The following STARD8 variants were observed in gnomAD, a reference collection of about 807,000 sequenced individuals.
The protein encoded by STARD8 is StAR related lipid transfer domain containing 8, also known as stAR-related lipid transfer protein 8.
A neutral mutation model predicts 69.4 loss-of-function variants in STARD8; 25 were observed. The observed-to-expected ratio is 0.36, with a 90% confidence interval of 0.26 to 0.50. STARD8 has a LOEUF of 0.50. STARD8 is among the 20% of genes least tolerant of loss of function. STARD8 has a pLI of 0.96. For missense variants in STARD8, 921 were observed against 932.5 expected (o/e 0.99, Z 0.16); for synonymous variants, 389 against 374.6 (o/e 1.04, Z -0.45).
rs2080129305 is a variant in STARD8 at position 68,719,529 on chromosome X, G to A, written c.1889+131G>A. On this transcript the variant is annotated intron_variant, in intron 7 of 14. Coordinates refer to ENST00000374599, the MANE Select transcript of STARD8 (RefSeq NM_001142503.3). ...CCAGGGGAGCGGTGAGATATGCCAG[G>A]AGGCTGGAGGGGCTTGGTGAGGCTG... 8 of 754,753 alleles carry A rather than the reference G, an allele frequency of 1.1e-5. No individual in the cohort carries two copies. In the South Asian group the frequency reaches 3.6e-4, roughly 34 times the overall value. The allele number at this position is 754,753 out of a possible 1,213,427, so 62.2% of individuals were successfully genotyped here.
intron 2 of STARD8, among the ~76,000 whole-genome samples, chrX:68,684,668 G>T (rs2079820754): frequency 8.8e-6 from 1 of 113,043 alleles, no homozygotes; most frequent in Admixed American, 9.3e-5. Context: ...GCATCCCAGT[G>T]GCTGTTTGTC....
intron 2 of STARD8, among the ~76,000 whole-genome samples, chrX:68,685,816 C>T (rs1234912310): frequency 8.9e-6 from 1 of 112,591 alleles, no homozygotes; most frequent in Non-Finnish European, 1.9e-5. Context: ...TTGGTGGAAC[C>T]CAGCTGGTCG....
intron 1 of STARD8, among the ~76,000 whole-genome samples, chrX:68,651,466 C>T (rs780697912): frequency 3.9e-4 from 44 of 112,325 alleles, no homozygotes; most frequent in African/African-American, 1.2e-3. Context: ...GTCAAGGGCA[C>T]GGGCTGCTGT....
chrX:68,723,855 C>A lies in STARD8; in HGVS notation c.3017+12C>A. 7 of 1,203,505 alleles carry A rather than the reference C, an allele frequency of 5.8e-6. No individual in the cohort carries two copies. Among genetic ancestry groups the A allele is most frequent in the Non-Finnish European group, 7.9e-6 (7 of 890,921 alleles). On this transcript the variant is annotated intron_variant, in intron 13 of 14. Transcript: ENST00000374599. Reference sequence around the variant, plus strand: ...TTTGTGGTGCTTCGGTGAGGGGCTGCAGCTGCTACCCTTCTGTGCTTGGGG... The same window carrying A: ...TTTGTGGTGCTTCGGTGAGGGGCTGAAGCTGCTACCCTTCTGTGCTTGGGG...
At chrX:68,655,978 G>A (rs189351133) in intron 1 of STARD8, 5 of 112,199 alleles carry the variant, frequency 4.5e-5, no homozygotes, top group African/African-American at 9.7e-5. Context: ...TGAGGTTGGA[G>A]ACATGTGAGG....
chrX:68,671,978 T>C (rs1023564912), intron 2 of STARD8, among the ~76,000 whole-genome samples: 1 of 111,828 alleles, frequency 8.9e-6, no homozygotes, highest in Non-Finnish European at 1.9e-5. Context: ...TTGGCGGCAT[T>C]AAAGTTTCAT....
At chrX:68,694,304 A>G (rs979055912) in intron 2 of STARD8, among the ~76,000 whole-genome samples, 2 of 112,673 alleles carry the variant, frequency 1.8e-5, no homozygotes, top group African/African-American at 6.5e-5. Context: ...CCACTGCCTC[A>G]TTGCTTTCTC....
At chrX:68,676,914 G>A (rs1205864951) in intron 2 of STARD8, among the ~76,000 whole-genome samples, 13 of 110,538 alleles carry the variant, frequency 1.2e-4, no homozygotes, top group Admixed American at 1.2e-3. Flanking sequence ...GGGAGGCCAA[G>A]GTGGGAGGAT....
chrX:68,688,382 T>TGGGCC (rs781770008), intron 2 of STARD8, among the ~76,000 whole-genome samples: 10 of 110,756 alleles, frequency 9.0e-5, no homozygotes, highest in Non-Finnish European at 1.7e-4. Flanking sequence ...AGGGCTGGGC[T>TGGGCC]GGGCCAGGCT....
At chrX:68,664,428 T>C (rs940874410) in intron 1 of STARD8, among the ~76,000 whole-genome samples, 4 of 112,233 alleles carry the variant, frequency 3.6e-5, no homozygotes, top group Non-Finnish European at 5.6e-5. Flanking sequence ...TCCTGCTCTA[T>C]ATCCACCAAT....
chrX:68,661,813 C>T (rs1280260483), intron 1 of STARD8, among the ~76,000 whole-genome samples: 1 of 110,198 alleles, frequency 9.1e-6, no homozygotes, highest in Non-Finnish European at 1.9e-5. Flanking sequence ...ACCCTAAGGA[C>T]CACTGCCCAA....
Position 68,668,245 on chromosome X carries a change from TCTTTCTTTC to T in STARD8, c.79+2714_79+2722del, listed in dbSNP as rs1382164994. ...CTTTCTCTTTTTTCTCCTCTTTCTT[TCTTTCTTTC>T]TTTCTTTCTTTCTTTCTTTCTCTTT... is the stretch of plus-strand genomic sequence containing the variant. On this transcript the variant is annotated intron_variant, in intron 2 of 14. Transcript: ENST00000374599. Among the ~76,000 whole-genome samples the T allele has an allele frequency of 1.3e-3, 106 of 80,922 alleles. 1 individual carries two copies. Among genetic ancestry groups the T allele is most frequent in the African/African-American group, 6.1e-3 (100 of 16,268 alleles). The allele number at this position is 80,922 out of a possible 115,157, so 70.3% of individuals were successfully genotyped here.
At position 68,666,761 on chromosome X, in the gene STARD8, C is replaced by G. The variant is rs1473343616; in HGVS notation, c.79+1229C>G. Among the ~76,000 whole-genome samples, 3 of 112,328 alleles carry G rather than the reference C, an allele frequency of 2.7e-5. No homozygotes were observed. The Admixed American group carries it at 2.8e-4, about 11-fold the overall frequency. ...TCTGCTTCTCCACTTCCCCACCCTG[C>G]CTTTCCCCGTCATCATCATTCCAAG... On this transcript the variant is annotated intron_variant, in intron 2 of 14. Coordinates refer to ENST00000374599, the MANE Select transcript of STARD8 (RefSeq NM_001142503.3).
chrX:68,701,202 A>G (rs2079963832), intron 2 of STARD8, among the ~76,000 whole-genome samples: 1 of 112,839 alleles, frequency 8.9e-6, no homozygotes, highest in Non-Finnish European at 1.9e-5. Flanking sequence ...GACACCAATA[A>G]TAATAGTGAA....
intron 10 of STARD8, 78 bp downstream of exon 10, chrX:68,721,824 G>A (rs373815289): frequency 2.0e-6 from 2 of 988,352 alleles, no homozygotes; most frequent in Admixed American, 5.1e-5. Context: ...GCTTTTGATG[G>A]CTGGCACTGC....
chrX:68,665,898 AG>A (rs1189701453), intron 2 of STARD8, among the ~76,000 whole-genome samples: 1 of 112,156 alleles, frequency 8.9e-6, no homozygotes, highest in Non-Finnish European at 1.9e-5. Flanking sequence ...GAGAGAAAAC[AG>A]GTAAGTGGAG....
intron 2 of STARD8, among the ~76,000 whole-genome samples, chrX:68,672,955 A>G (rs1023189037): frequency 8.9e-6 from 1 of 112,146 alleles, no homozygotes; most frequent in African/African-American, 3.2e-5. Flanking sequence ...TACATTCCAC[A>G]GGGGAAGGGA....
chrX:68,650,338 ATTGCTTG>A (rs2079538939), intron 1 of STARD8, among the ~76,000 whole-genome samples: 1 of 108,462 alleles, frequency 9.2e-6, no homozygotes, highest in Non-Finnish European at 1.9e-5. Context: ...AATTGGGAGG[ATTGCTTG>A]AGCCCAGGAG....
chrX:68,653,567 A>C (rs1479120992), intron 1 of STARD8, among the ~76,000 whole-genome samples: 2 of 73,992 alleles, frequency 2.7e-5, no homozygotes, highest in African/African-American at 5.4e-5. Flanking sequence ...CATACACCAC[A>C]CACACACCAC....
Sources: allele counts gnomAD v4.1 joint callset (sites outside exome capture counted in the v4.1 genomes callset), GRCh38; gene constraint gnomAD v4.1.1; transcripts MANE v1.5; gene names NCBI Gene and HGNC (gene_info 2026-07-23, HGNC 2026-07-21).